MOCOS: variants seen among roughly 807,000 people sequenced by gnomAD.
The protein encoded by MOCOS is molybdenum cofactor sulfurase, also known as human molybdenum cofactor sulfurase.
MOCOS carries 86 observed loss-of-function variants against 83.6 expected under a neutral mutation model. The ratio of observed to expected loss-of-function variants is 1.03; its 90% CI spans 0.86 to 1.23. The LOEUF is 1.23. Among genes scored for constraint, MOCOS ranks in the 50% most tolerant of loss-of-function variants. The pLI is 0.00. For missense variants in MOCOS, 1,120 were observed against 1,126.9 expected (o/e 0.99, Z 0.09); for synonymous variants, 445 against 434.7 (o/e 1.02, Z -0.29).
intron 14 of MOCOS, among the ~76,000 whole-genome samples, chr18:36,267,085 CTTG>C (rs1021689079): frequency 6.6e-6 from 1 of 151,858 alleles, no homozygotes; most frequent in Non-Finnish European, 1.5e-5. Context: ...GCTTTCCAAT[CTTG>C]TTGAAGAGAT....
chr18:36,239,490 C>T (rs1338306880), intron 9 of MOCOS, among the ~76,000 whole-genome samples: 2 of 151,672 alleles, frequency 1.3e-5, no homozygotes, highest in African/African-American at 4.9e-5. Context: ...TGTAGGGTTT[C>T]TGCCAAGAGA....
At chr18:36,220,361 A>T in intron 9 of MOCOS, 144 bp downstream of exon 9, 2 of 1,082,706 alleles carry the variant, frequency 1.8e-6, no homozygotes, top group South Asian at 1.5e-5. Context: ...AAAAAAAATT[A>T]TCCTGGGTGT....
Position 36,193,537 on chromosome 18 carries a change from G to A in MOCOS, c.143-1720G>A, listed in dbSNP as rs75629182. ...TATTGGGACAACTGGATATCAACATGCAAAAGAACGAACTTGGACCCCTAC... is the reference window on the plus strand; with the variant it reads ...TATTGGGACAACTGGATATCAACATACAAAAGAACGAACTTGGACCCCTAC... On this transcript the variant is annotated intron_variant, in intron 1 of 14. Coordinates refer to ENST00000261326, the MANE Select transcript of MOCOS (RefSeq NM_017947.4). Among the ~76,000 whole-genome samples, 53 of 152,116 alleles carry A rather than the reference G, an allele frequency of 3.5e-4. No homozygotes were observed. In the East Asian group the frequency reaches 9.5e-3, roughly 27 times the overall value.
At chr18:36,221,127 T>A (rs934518970) in intron 9 of MOCOS, among the ~76,000 whole-genome samples, 1 of 152,178 alleles carries the variant, frequency 6.6e-6, no homozygotes, top group Non-Finnish European at 1.5e-5. Flanking sequence ...CTTTCTGTGG[T>A]GATGAAAATG....
chr18:36,222,112 A>G (rs2091498348), intron 9 of MOCOS, among the ~76,000 whole-genome samples: 1 of 152,108 alleles, frequency 6.6e-6, no homozygotes, highest in African/African-American at 2.4e-5. Context: ...TGAGTATACC[A>G]TATTTACTTT....
intron 10 of MOCOS, among the ~76,000 whole-genome samples, chr18:36,250,135 C>T (rs78138818): frequency 0.017 from 2,591 of 152,222 alleles, 42 homozygotes; most frequent in Middle Eastern, 0.082. Flanking sequence ...AACCAATTCC[C>T]CTTTCACCCC....
Position 36,261,360 on chromosome 18 carries a change from T to C in MOCOS, c.2409+1185T>C, listed in dbSNP as rs2091662779. 2.7e-5 allele frequency among the ~76,000 whole-genome samples: 4 copies of C among 147,826 alleles called. No homozygotes were observed. The South Asian group carries it at 8.4e-4, about 31-fold the overall frequency. ...GGTTAAGTATACCAGAGATATATAATGTAAATATTCCAAAATTAAAAAAAA... is the reference window on the plus strand; with the variant it reads ...GGTTAAGTATACCAGAGATATATAACGTAAATATTCCAAAATTAAAAAAAA... On this transcript the variant is annotated intron_variant, in intron 13 of 14. Coordinates refer to ENST00000261326, the MANE Select transcript of MOCOS (RefSeq NM_017947.4).
At chr18:36,191,099 G>C (rs868190144) in intron 1 of MOCOS, among the ~76,000 whole-genome samples, 22 of 150,262 alleles carry the variant, frequency 1.5e-4, no homozygotes, top group African/African-American at 4.6e-4. Context: ...GTCTCTCTCT[G>C]TCTCTCCTGT....
At chr18:36,225,302 C>T (rs891843860) in intron 9 of MOCOS, among the ~76,000 whole-genome samples, 1 of 152,080 alleles carries the variant, frequency 6.6e-6, no homozygotes, top group Non-Finnish European at 1.5e-5. Context: ...CAGGTGCGCA[C>T]CACCATGCCC....
intron 6 of MOCOS, among the ~76,000 whole-genome samples, chr18:36,210,843 T>A (rs1332502162): frequency 2.9e-5 from 1 of 35,066 alleles, no homozygotes; most frequent in African/African-American, 9.9e-5. Flanking sequence ...AGAGCAAGAC[T>A]CTGTCTCAAA....
At position 36,224,096 on chromosome 18, in the gene MOCOS, T is replaced by C. The variant is rs2091506811; in HGVS notation, c.1960+3879T>C. On this transcript the variant is annotated intron_variant, in intron 9 of 14. Coordinates refer to ENST00000261326, the MANE Select transcript of MOCOS (RefSeq NM_017947.4). ...TTTCAGAGAGTTTGTTTTTAGTGTATAGAAATGCAATAGATTTTTGCATGT... is the reference window on the plus strand; with the variant it reads ...TTTCAGAGAGTTTGTTTTTAGTGTACAGAAATGCAATAGATTTTTGCATGT... 2.0e-5 allele frequency among the ~76,000 whole-genome samples: 3 copies of C among 152,198 alleles called. 1 individual carries two copies. The South Asian group carries it at 6.2e-4, about 31-fold the overall frequency.
chr18:36,210,228 T>A (rs946939178), intron 6 of MOCOS, among the ~76,000 whole-genome samples: 1 of 152,196 alleles, frequency 6.6e-6, no homozygotes, highest in African/African-American at 2.4e-5. Context: ...CCAAGGAATC[T>A]TTTTCTCCAC....
chr18:36,213,470 G>A lies in MOCOS; in HGVS notation c.1323G>A (p.Arg441=). The part of the protein sequence containing the change: ...RHLGISNEMV[R]KHFQAGHVCG... The stretch of plus-strand genomic sequence containing the variant: ...TGGGCATAAGCAACGAGATGGTCAG[G>A]AAGCATTTTCAGGTTGGTACAGGGC... The change falls in exon 7 of 15, where the codon AGG becomes AGA. Residue 441 remains arginine (R), a synonymous_variant. Coordinates refer to ENST00000261326, the MANE Select transcript of MOCOS (RefSeq NM_017947.4). 2 of 1,613,700 alleles carry A rather than the reference G, an allele frequency of 1.2e-6. No individual in the cohort carries two copies. Among genetic ancestry groups the A allele is most frequent in the South Asian group, 2.2e-5 (2 of 91,056 alleles).
At chr18:36,228,650 G>A (rs1260052888) in intron 9 of MOCOS, among the ~76,000 whole-genome samples, 3 of 152,114 alleles carry the variant, frequency 2.0e-5, no homozygotes, top group Non-Finnish European at 4.4e-5. Context: ...TGAACACATA[G>A]AGGGGAACAA....
At chr18:36,242,898 C>G (rs888911374) in intron 9 of MOCOS, among the ~76,000 whole-genome samples, 1 of 152,192 alleles carries the variant, frequency 6.6e-6, no homozygotes, top group African/African-American at 2.4e-5. Context: ...GACATAGAGC[C>G]AAACCATATC....
At chr18:36,201,026 T>C (rs1030893017) in intron 4 of MOCOS, among the ~76,000 whole-genome samples, 1 of 152,196 alleles carries the variant, frequency 6.6e-6, no homozygotes, top group Non-Finnish European at 1.5e-5. Context: ...TTTCAAATGG[T>C]AACAGCTGGG....
At position 36,215,615 on chromosome 18, in the gene MOCOS, C is replaced by T. The variant is rs748541425; in HGVS notation, c.1435C>T (p.Gln479Ter). 1 of 1,614,124 alleles carries T rather than the reference C, an allele frequency of 6.2e-7. No homozygotes were observed. Among genetic ancestry groups the T allele is most frequent in the Non-Finnish European group, 8.5e-7 (1 of 1,180,026 alleles). ...ATACATGTCGACGCTGGATGATGTC[C>T]AGGCCTTTCTTAGGTTCATCATAGA... ...FGYMSTLDDV[Q>*]AFLRFIIDTR... The change falls in exon 8 of 15, where the codon CAG (glutamine) becomes TAG (stop). Residue 479 changes from glutamine (Q) to a stop codon, truncating the protein, a stop_gained. Transcript: ENST00000261326. LOFTEE classifies it high-confidence loss of function.
intron 1 of MOCOS, among the ~76,000 whole-genome samples, chr18:36,191,025 AAAAAAAG>A (rs1409922136): frequency 2.9e-5 from 4 of 136,800 alleles, no homozygotes; most frequent in Non-Finnish European, 6.3e-5. Context: ...TCTCTCAAAA[AAAAAAAG>A]AAAAAGAAAA....
chr18:36,228,383 C>T (rs547824742), intron 9 of MOCOS, among the ~76,000 whole-genome samples: 130 of 152,148 alleles, frequency 8.5e-4, no homozygotes, highest in Non-Finnish European at 1.2e-3. Flanking sequence ...TGCATGCATA[C>T]GTACATTTGT....
Sources: gnomAD v4.1 joint callset for allele counts (sites outside exome capture counted in the v4.1 genomes callset) on GRCh38, gnomAD v4.1.1 for gene constraint, MANE v1.5 for transcripts, NCBI Gene and HGNC (gene_info 2026-07-23, HGNC 2026-07-21) for gene names.